FANCD2: variants seen among roughly 807,000 people sequenced by gnomAD.
FANCD2 encodes FA complementation group D2, also known as Fanconi anemia group D2 protein.
Under a neutral mutation model 192.3 loss-of-function variants are expected in FANCD2, and 131 were observed. The ratio of observed to expected loss-of-function variants is 0.68; its 90% CI spans 0.59 to 0.79. FANCD2 has a LOEUF of 0.79. Among genes scored for constraint, FANCD2 ranks in the 30% least tolerant of loss-of-function variants. The probability of loss-of-function intolerance (pLI) is 0.00; values close to 1 mark genes in which losing one functional copy is unlikely to be tolerated. For synonymous variants in FANCD2, 524 were observed against 612.5 expected (o/e 0.86, Z 2.13); for missense variants, 1,508 against 1,701.6 (o/e 0.89, Z 2.00).
At chr3:10,028,343 G>A (rs1345844588) in intron 1 of FANCD2, among the ~76,000 whole-genome samples, 2 of 152,200 alleles carry the variant, frequency 1.3e-5, no homozygotes, top group East Asian at 3.8e-4. Context: ...GTACGTTGGG[G>A]ATAGATAATG....
chr3:10,085,523 C>G (rs1357352007), intron 32 of FANCD2, among the ~76,000 whole-genome samples: 1 of 151,800 alleles, frequency 6.6e-6, no homozygotes, highest in East Asian at 1.9e-4. Context: ...TCTGGAGTAG[C>G]TGGGACTACA....
At chr3:10,090,987 G>A (rs1447488071) in intron 37 of FANCD2, among the ~76,000 whole-genome samples, 1 of 151,948 alleles carries the variant, frequency 6.6e-6, no homozygotes, top group East Asian at 1.9e-4. Context: ...AGATACTGTG[G>A]ATCTTGGCAG....
intron 41 of FANCD2, among the ~76,000 whole-genome samples, chr3:10,095,877 G>A (rs974477722): frequency 4.7e-5 from 6 of 128,136 alleles, no homozygotes; most frequent in Non-Finnish European, 8.1e-5. Context: ...CCTGAACAGT[G>A]ATTTTTTTTT....
intron 7 of FANCD2, among the ~76,000 whole-genome samples, chr3:10,037,874 A>G (rs991837472): frequency 1.3e-5 from 2 of 152,206 alleles, no homozygotes; most frequent in Non-Finnish European, 1.5e-5. Context: ...AAAAAAGAAG[A>G]TACACACATA....
rs1257509950 is a variant in FANCD2 at position 10,094,835 on chromosome 3, A to T, written c.3964-365A>T. On this transcript the variant is annotated intron_variant, in intron 40 of 43. Transcript: ENST00000675286. ...AGGATAGAATCACATTATTTCCTAT[A>T]CATATTTAGCAAGTTGAACAAAATA... 1.4e-5 allele frequency: 5 copies of T among 353,154 alleles called. No individual in the cohort carries two copies. In the East Asian group the frequency reaches 3.2e-4, roughly 22 times the overall value. 21.9% of individuals were successfully genotyped at this position (353,154 alleles called of 1,614,324 possible).
At position 10,067,274 on chromosome 3, in the gene FANCD2, G is replaced by T. The variant is rs774509928; in HGVS notation, c.2451G>T (p.Lys817Asn). Residue 817 changes from lysine to asparagine, a missense_variant, in exon 26 of 44, where the codon AAG becomes AAT. Around this residue, in one of 5 missense-constraint regions of FANCD2, gnomAD observed 796 missense variants for 879.4 expected, o/e 0.91. Coordinates refer to ENST00000675286, the MANE Select transcript of FANCD2 (RefSeq NM_001018115.3). ...EMKGKVLTRL[K>N]HIVELQIILE... ...AGGGGAAGGTGCTCACTCGGTTAAA[G>T]CACATTGTAGAATTGCAAATAATCC... 3 of 1,613,722 alleles carry T rather than the reference G, an allele frequency of 1.9e-6. No homozygotes were observed. Among genetic ancestry groups the T allele is most frequent in the Non-Finnish European group, 2.5e-6 (3 of 1,179,680 alleles).
intron 32 of FANCD2, among the ~76,000 whole-genome samples, chr3:10,083,213 C>A (rs892940086): frequency 2.0e-5 from 3 of 151,610 alleles, no homozygotes; most frequent in African/African-American, 7.3e-5. Context: ...GGCAACAGAA[C>A]CAGACCCCAT....
intron 26 of FANCD2, among the ~76,000 whole-genome samples, chr3:10,070,726 T>A (rs1243766072): frequency 7.0e-6 from 1 of 143,744 alleles, no homozygotes; most frequent in Non-Finnish European, 1.5e-5. Flanking sequence ...ATCGGATGGT[T>A]GCCGTGTCTG....
intron 37 of FANCD2, among the ~76,000 whole-genome samples, chr3:10,091,705 G>A (rs1184687490): frequency 1.3e-5 from 2 of 151,350 alleles, no homozygotes; most frequent in Non-Finnish European, 2.9e-5. Context: ...ATTAAACTAG[G>A]AACTCTTTGA....
At chr3:10,073,460 T>C (rs1468576204) in intron 28 of FANCD2, 98 bp downstream of exon 28, 2 of 1,009,960 alleles carry the variant, frequency 2.0e-6, no homozygotes, top group Non-Finnish European at 3.2e-6. Context: ...AAAAAAAAAT[T>C]AGGAAACAGC....
intron 40 of FANCD2, 45 bp from the exon 41 acceptor site, chr3:10,095,155 A>G: frequency 6.6e-7 from 1 of 1,506,310 alleles, no homozygotes; most frequent in Non-Finnish European, 9.2e-7. Context: ...ATCTAAAATG[A>G]AATCAGGACA....
At chr3:10,090,037 T>A (rs1285373857) in intron 36 of FANCD2, among the ~76,000 whole-genome samples, 8 of 152,230 alleles carry the variant, frequency 5.3e-5, no homozygotes, top group Admixed American at 5.2e-4. Flanking sequence ...AACTCAGATC[T>A]TCTCACTGTT....
At position 10,099,864 on chromosome 3, in the gene FANCD2, G is replaced by A. The variant is rs141357223; in HGVS notation, c.4281+1049G>A. Among the ~76,000 whole-genome samples the A allele has an allele frequency of 3.3e-3, 503 of 152,254 alleles. 11 individuals are homozygous for A. The South Asian group carries it at 0.04, about 12-fold the overall frequency. On this transcript the variant is annotated intron_variant, in intron 43 of 43. Transcript: ENST00000675286. ...AACCCCTGCTGTGGGGCCTCTGTCTGTAATGCAATTTGAGTCTGATCCAGA... is the reference window on the plus strand; with the variant it reads ...AACCCCTGCTGTGGGGCCTCTGTCTATAATGCAATTTGAGTCTGATCCAGA...
intron 20 of FANCD2, 30 bp downstream of exon 20, chr3:10,062,241 T>C: frequency 6.3e-7 from 1 of 1,594,492 alleles, no homozygotes; most frequent in Non-Finnish European, 8.6e-7. Context: ...TCTTTCTTTT[T>C]CCTGTCTTTT....
chr3:10,074,195 C>T (rs1693410785), intron 28 of FANCD2, among the ~76,000 whole-genome samples: 1 of 152,188 alleles, frequency 6.6e-6, no homozygotes, highest in Non-Finnish European at 1.5e-5. Context: ...CCACCCACGT[C>T]AGCCTCCCAA....
At chr3:10,098,659 C>T (rs2125100512) in intron 42 of FANCD2, 61 bp from the exon 43 acceptor site, 2 of 1,590,290 alleles carry the variant, frequency 1.3e-6, no homozygotes, top group South Asian at 1.1e-5. Flanking sequence ...TCAACCTTCT[C>T]CCCTATTACC....
At position 10,028,721 on chromosome 3, in the gene FANCD2, A is replaced by C. The variant is rs774743051; in HGVS notation, c.64A>C (p.Lys22Gln). The C allele has an allele frequency of 6.2e-7, 1 of 1,612,152 alleles. No individual in the cohort carries two copies. Among genetic ancestry groups the C allele is most frequent in the South Asian group, 1.1e-5 (1 of 91,046 alleles). ...AGAGAGCCTGACAGAAGATGCCTCCAGTAAGTATCTAGTCATTTGTTGCTT... is the reference window on the plus strand; with the variant it reads ...AGAGAGCCTGACAGAAGATGCCTCCCGTAAGTATCTAGTCATTTGTTGCTT... ...DKESLTEDAS[K>Q]TRKQPLSKKT... The change falls in exon 2 of 44, where the codon AAA (lysine) becomes CAA (glutamine). Residue 22 changes from lysine to glutamine, a missense_variant and splice_region_variant. By Grantham distance (53) the Lys-to-Gln change is moderately conservative. Coordinates refer to ENST00000675286, the MANE Select transcript of FANCD2 (RefSeq NM_001018115.3).
rs556142760 is a variant in FANCD2, at chr3:10,060,198, A to G, written c.1657-96A>G. 1.6e-3 allele frequency: 1,299 copies of G among 814,816 alleles called. 2 individuals are homozygous for G. Among genetic ancestry groups the G allele is most frequent in the South Asian group, 2.4e-3 (163 of 67,058 alleles). 50.5% of individuals were successfully genotyped at this position (814,816 alleles called of 1,614,324 possible). ...AAAAAAAAAACAGTTAGTAAACGGTAAACGCCTTTATAGTCTAGCTATATG... is the reference window on the plus strand; with the variant it reads ...AAAAAAAAAACAGTTAGTAAACGGTGAACGCCTTTATAGTCTAGCTATATG... On this transcript the variant is annotated intron_variant, in intron 18 of 43. Transcript: ENST00000675286.
intron 17 of FANCD2, among the ~76,000 whole-genome samples, chr3:10,050,726 A>G (rs1318339765): frequency 6.6e-6 from 1 of 151,992 alleles, no homozygotes; most frequent in East Asian, 1.9e-4. Flanking sequence ...GAAAATGAGA[A>G]ACCTGGAAGA....
Sources: allele counts gnomAD v4.1 joint callset (sites outside exome capture counted in the v4.1 genomes callset), GRCh38; gene constraint gnomAD v4.1.1; regional missense constraint gnomAD v4.1.1; transcripts MANE v1.5; gene names NCBI Gene and HGNC (gene_info 2026-07-23, HGNC 2026-07-21).